The following NCOA7 variants were observed in gnomAD, a reference collection of about 807,000 sequenced individuals.
NCOA7 encodes the protein 140 kDa estrogen receptor-associated protein.
Under a neutral mutation model 104.3 loss-of-function variants are expected in NCOA7, and 45 were observed. The ratio of observed to expected loss-of-function variants is 0.43; its 90% CI spans 0.34 to 0.55. The LOEUF (loss-of-function observed/expected upper bound fraction) is 0.55, where lower values mean the gene tolerates loss of function less well. NCOA7 is among the 20% of genes least tolerant of loss of function. The probability of loss-of-function intolerance (pLI) is 0.02; values close to 1 mark genes in which losing one functional copy is unlikely to be tolerated. For synonymous variants in NCOA7, 398 were observed against 402.3 expected, an observed-to-expected ratio of 0.99 and a Z score of 0.13; for missense variants, 1,041 against 1,119.7, an observed-to-expected ratio of 0.93 and a Z score of 1.00.
At chr6:125,887,040 A>T (rs1402334862) in intron 8 of NCOA7, among the ~76,000 whole-genome samples, 1 of 152,268 alleles carries the variant, frequency 6.6e-6, no homozygotes, top group African/African-American at 2.4e-5. Flanking sequence ...GCCAGTTGAC[A>T]GCATTATGTA....
Position 125,828,780 on chromosome 6 carries a change from G to A in NCOA7, c.50+13376G>A, listed in dbSNP as rs566824602. On this transcript the variant is annotated intron_variant, in intron 2 of 15. Coordinates refer to ENST00000392477, the MANE Select transcript of NCOA7 (RefSeq NM_181782.5). ...TTAGTTTTACTTGTGCGGATTGGTG[G>A]CACTGTGGGCTCTGTTTTGCTGATT... is the stretch of plus-strand genomic sequence containing the variant. Among the ~76,000 whole-genome samples, 7 of 152,328 alleles carry A rather than the reference G, an allele frequency of 4.6e-5. No homozygotes were observed. The South Asian group carries it at 1.4e-3, about 32-fold the overall frequency.
At chr6:125,925,000 C>T (rs773977088) in intron 13 of NCOA7, among the ~76,000 whole-genome samples, 2 of 152,176 alleles carry the variant, frequency 1.3e-5, no homozygotes, top group Non-Finnish European at 2.9e-5. Context: ...CAGAGCCATG[C>T]TCTACGGTAG....
At chr6:125,817,209 A>G (rs1188648336) in intron 2 of NCOA7, among the ~76,000 whole-genome samples, 1 of 152,248 alleles carries the variant, frequency 6.6e-6, no homozygotes, top group Non-Finnish European at 1.5e-5. Flanking sequence ...ATGAACAAAG[A>G]TGCTAGATGC....
intron 3 of NCOA7, among the ~76,000 whole-genome samples, chr6:125,869,563 T>C (rs898352332): frequency 2.0e-5 from 3 of 152,200 alleles, no homozygotes; most frequent in Non-Finnish European, 2.9e-5. Context: ...TCAGCTGACC[T>C]TAAGGAGATT....
chr6:125,823,272 A>G (rs1352870037), intron 2 of NCOA7, among the ~76,000 whole-genome samples: 1 of 152,258 alleles, frequency 6.6e-6, no homozygotes, highest in Non-Finnish European at 1.5e-5. Flanking sequence ...CAAGTGTTAA[A>G]TACTTGTTGA....
chr6:125,878,205 T>A, intron 4 of NCOA7, 58 bp from the exon 5 acceptor site: 1 of 1,070,806 alleles, frequency 9.3e-7, no homozygotes, highest in Non-Finnish European at 1.3e-6. Flanking sequence ...TAATAGTATC[T>A]ATCAAAAGTA....
At chr6:125,841,510 G>A (rs191357202) in intron 2 of NCOA7, among the ~76,000 whole-genome samples, 377 of 152,146 alleles carry the variant, frequency 2.5e-3, no homozygotes, top group African/African-American at 8.8e-3. Flanking sequence ...AACTTGAGAG[G>A]TGGCCATTGT....
Position 125,922,977 on chromosome 6 carries a change from T to G in NCOA7, c.2523+143T>G, listed in dbSNP as rs553360203. 25 of 708,978 alleles carry G rather than the reference T, an allele frequency of 3.5e-5. No homozygotes were observed. The African/African-American group carries it at 4.3e-4, about 12-fold the overall frequency. 43.9% of individuals were successfully genotyped at this position (708,978 alleles called of 1,614,324 possible). On this transcript the variant is annotated intron_variant, in intron 13 of 15. Transcript: ENST00000392477. Reference sequence around the variant, plus strand: ...CCTTCTGTGTCTTTTATCTTTGTTTTTTCTCTGCTGAAATATTTTGAAGTA... The same window carrying G: ...CCTTCTGTGTCTTTTATCTTTGTTTGTTCTCTGCTGAAATATTTTGAAGTA...
At chr6:125,859,330 C>T (rs1781852666) in intron 3 of NCOA7, among the ~76,000 whole-genome samples, 1 of 152,012 alleles carries the variant, frequency 6.6e-6, no homozygotes, top group Non-Finnish European at 1.5e-5. Context: ...TTTTGAGCTG[C>T]CAGGTAGATT....
chr6:125,851,459 A>G (rs1215082006), intron 2 of NCOA7, among the ~76,000 whole-genome samples: 1 of 152,214 alleles, frequency 6.6e-6, no homozygotes, highest in Admixed American at 6.5e-5. Flanking sequence ...GTAGTAGTCC[A>G]TGGTGTATAT....
At chr6:125,918,107 TCA>T (rs1393545043) in intron 11 of NCOA7, among the ~76,000 whole-genome samples, 10 of 152,328 alleles carry the variant, frequency 6.6e-5, no homozygotes, top group Non-Finnish European at 1.3e-4. Context: ...TTTGTGTGGC[TCA>T]GTTTCAAAGC....
At chr6:125,892,521 A>G (rs1176373880) in intron 10 of NCOA7, among the ~76,000 whole-genome samples, 2 of 152,128 alleles carry the variant, frequency 1.3e-5, no homozygotes, top group African/African-American at 4.8e-5. Context: ...AAACACAAAA[A>G]TAATTAGCCA....
At chr6:125,882,965 TA>T (rs1311304581) in intron 7 of NCOA7, among the ~76,000 whole-genome samples, 1 of 152,118 alleles carries the variant, frequency 6.6e-6, no homozygotes, top group Non-Finnish European at 1.5e-5. Context: ...ATAGAAACAA[TA>T]AAAAAATTTA....
chr6:125,821,100 G>A (rs1778131604), intron 2 of NCOA7, among the ~76,000 whole-genome samples: 1 of 152,126 alleles, frequency 6.6e-6, no homozygotes, highest in South Asian at 2.1e-4. Flanking sequence ...AGAGTGGCCA[G>A]GCAGGGATTG....
intron 1 of NCOA7, among the ~76,000 whole-genome samples, chr6:125,807,680 G>GT (rs1776587129): frequency 6.6e-6 from 1 of 152,172 alleles, no homozygotes; most frequent in South Asian, 2.1e-4. Context: ...ATGTTATTAA[G>GT]TACCTACGTC....
intron 2 of NCOA7, among the ~76,000 whole-genome samples, chr6:125,819,360 C>T (rs1777932803): frequency 6.6e-6 from 1 of 151,232 alleles, no homozygotes; most frequent in African/African-American, 2.4e-5. Context: ...TGAAATATGC[C>T]TGTGTAACTC....
In NCOA7 at chr6:125,928,779, A is replaced by G; in HGVS notation, c.*8A>G. 6.2e-7 allele frequency: 1 copy of G among 1,608,490 alleles called. No homozygotes were observed. The highest frequency in any genetic ancestry group is 1.3e-5 in the African/African-American group (1 of 74,488). On this transcript the variant is annotated 3_prime_UTR_variant, in exon 16 of 16. Transcript: ENST00000392477. ...GTGTGGGCATTTGATTGAAATTCAGACTGCCTTAAAATATAACATTAAAAA... is the reference window on the plus strand; with the variant it reads ...GTGTGGGCATTTGATTGAAATTCAGGCTGCCTTAAAATATAACATTAAAAA...
chr6:125,920,013 T>C (rs1474255425), intron 11 of NCOA7, among the ~76,000 whole-genome samples: 1 of 152,234 alleles, frequency 6.6e-6, no homozygotes, highest in African/African-American at 2.4e-5. Flanking sequence ...AAGCCTAATA[T>C]ACACTCTTCA....
chr6:125,842,499 T>C (rs1583349546), intron 2 of NCOA7, among the ~76,000 whole-genome samples: 1 of 152,212 alleles, frequency 6.6e-6, no homozygotes, highest in Non-Finnish European at 1.5e-5. Context: ...AGTCAGAGAA[T>C]ACAGTTCATT....
Sources: allele counts gnomAD v4.1 joint callset (sites outside exome capture counted in the v4.1 genomes callset), GRCh38; gene constraint gnomAD v4.1.1; transcripts MANE v1.5; gene names NCBI Gene and HGNC (gene_info 2026-07-23, HGNC 2026-07-21).